The following NRXN1 variants were observed in gnomAD, a reference collection of about 807,000 sequenced individuals.
NRXN1 encodes the protein neurexin-1.
A neutral mutation model predicts 150.9 loss-of-function variants in NRXN1; 39 were observed. That is an observed-to-expected ratio of 0.26 (90% CI 0.20 to 0.34). The LOEUF is 0.34. Ranked by LOEUF, NRXN1 falls within the 10% of genes least tolerant of loss-of-function variation. The pLI, the probability that NRXN1 is intolerant of heterozygous loss-of-function variation, is 1.00. For missense variants in NRXN1, 1,815 were observed against 1,949.9 expected, an observed-to-expected ratio of 0.93 and a Z score of 1.30; for synonymous variants, 924 against 757.0, an observed-to-expected ratio of 1.22 and a Z score of -3.62.
chr2:50,363,222 A>G (rs2079348252), intron 17 of NRXN1, among the ~76,000 whole-genome samples: 1 of 152,252 alleles, frequency 6.6e-6, no homozygotes, highest in South Asian at 2.1e-4. Context: ...AATGGCAACA[A>G]AAGCCAAAAT....
chr2:50,390,064 A>G (rs544977696), intron 17 of NRXN1, among the ~76,000 whole-genome samples: 26 of 152,214 alleles, frequency 1.7e-4, no homozygotes, highest in Non-Finnish European at 2.9e-5. Context: ...AAATAGTAGT[A>G]TTAGACTGTA....
chr2:50,356,299 T>C (rs1416104041), intron 17 of NRXN1, among the ~76,000 whole-genome samples: 1 of 152,200 alleles, frequency 6.6e-6, no homozygotes, highest in Admixed American at 6.5e-5. Context: ...AAACTTCTAG[T>C]AGCTCAATTC....
chr2:50,098,843 T>TGG (rs1558874597), intron 18 of NRXN1, among the ~76,000 whole-genome samples: 360 of 9,010 alleles, frequency 0.04, 16 homozygotes, highest in African/African-American at 0.14. Context: ...TTTTTTTTTT[T>TGG]TTTTTTTTTT....
At chr2:50,522,483 A>C (rs1306128651) in intron 12 of NRXN1, among the ~76,000 whole-genome samples, 2 of 152,166 alleles carry the variant, frequency 1.3e-5, no homozygotes, top group East Asian at 3.9e-4. Flanking sequence ...ACTGCACAAG[A>C]GTAGTTTTTA....
At chr2:50,171,379 T>A (rs1253991995) in intron 18 of NRXN1, among the ~76,000 whole-genome samples, 3 of 152,046 alleles carry the variant, frequency 2.0e-5, no homozygotes, top group African/African-American at 7.2e-5. Context: ...ATATCAGTTC[T>A]AGACTATTTA....
intron 18 of NRXN1, among the ~76,000 whole-genome samples, chr2:50,119,391 G>GT (rs1301586933): frequency 6.6e-6 from 1 of 151,994 alleles, no homozygotes; most frequent in Non-Finnish European, 1.5e-5. Flanking sequence ...AAGGAGATAC[G>GT]TAAGTGTGGA....
At chr2:50,802,503 AAGGAAGG>A (rs1559284163) in intron 5 of NRXN1, among the ~76,000 whole-genome samples, 7,461 of 77,858 alleles carry the variant, frequency 0.096, 783 homozygotes, top group East Asian at 0.14. Context: ...AGAGAAATGG[AAGGAAGG>A]AAGGAAGGAA....
intron 5 of NRXN1, among the ~76,000 whole-genome samples, chr2:50,710,077 T>C (rs1053665674): frequency 2.0e-5 from 3 of 152,154 alleles, no homozygotes; most frequent in Non-Finnish European, 4.4e-5. Context: ...GATTTTCCTA[T>C]ATAAAGAAAG....
intron 2 of NRXN1, among the ~76,000 whole-genome samples, chr2:50,972,742 G>A (rs1430827186): frequency 6.6e-6 from 1 of 151,998 alleles, no homozygotes; most frequent in Non-Finnish European, 1.5e-5. Flanking sequence ...GGTCATCACA[G>A]GGTTTGCGCT....
At chr2:50,244,146 A>C (rs2066288231) in intron 17 of NRXN1, among the ~76,000 whole-genome samples, 1 of 151,948 alleles carries the variant, frequency 6.6e-6, no homozygotes, top group Admixed American at 6.6e-5. Context: ...AATACATTTT[A>C]TCACATTTTG....
intron 17 of NRXN1, among the ~76,000 whole-genome samples, chr2:50,279,279 T>A (rs1408774612): frequency 6.6e-6 from 1 of 152,172 alleles, no homozygotes; most frequent in Non-Finnish European, 1.5e-5. Flanking sequence ...ACTGTCAACA[T>A]TTTCTGTTAA....
chr2:50,213,062 T>C (rs2063146216), intron 18 of NRXN1, among the ~76,000 whole-genome samples: 1 of 151,906 alleles, frequency 6.6e-6, no homozygotes, highest in African/African-American at 2.4e-5. Flanking sequence ...GAAATTAACA[T>C]TGGTACCATG....
intron 8 of NRXN1, among the ~76,000 whole-genome samples, chr2:50,565,356 C>A (rs1669683888): frequency 6.6e-6 from 1 of 151,214 alleles, no homozygotes; most frequent in East Asian, 1.9e-4. Context: ...AATAAATTAC[C>A]AAAAGATATA....
chr2:50,627,357 ATGTGTGTGTG>A lies in NRXN1; in HGVS notation c.833-3752_833-3743del, dbSNP rs34870955. Among the ~76,000 whole-genome samples the A allele has an allele frequency of 4.9e-3, 706 of 143,576 alleles. 2 individuals are homozygous for A. Among genetic ancestry groups the A allele is most frequent in the Non-Finnish European group, 5.9e-3 (392 of 65,894 alleles). 94.2% of individuals were successfully genotyped at this position (143,576 alleles called of 152,430 possible). A position where few individuals can be genotyped will look rare whatever the true frequency, so the allele number is the denominator to read the frequency against. On this transcript the variant is annotated intron_variant, in intron 5 of 22. Transcript: ENST00000401669. ...TAGTCAAGTGGGTTCTGGTTCATGT[ATGTGTGTGTG>A]TGTGTGTGTGTGTGTGTGTGTGTGT...
intron 18 of NRXN1, among the ~76,000 whole-genome samples, chr2:50,231,948 T>C (rs1237664981): frequency 1.3e-5 from 2 of 152,146 alleles, no homozygotes; most frequent in Non-Finnish European, 2.9e-5. Context: ...CCTCAACACA[T>C]CGTAACTTAA....
At chr2:50,918,010 A>G (rs952795955) in intron 5 of NRXN1, 3 of 151,696 alleles carry the variant, frequency 2.0e-5, no homozygotes, top group Admixed American at 6.6e-5. Context: ...TTACTCATCA[A>G]TTAGTTCAGG....
chr2:50,168,323 T>C (rs2059811539), intron 18 of NRXN1, among the ~76,000 whole-genome samples: 2 of 152,304 alleles, frequency 1.3e-5, no homozygotes, highest in South Asian at 4.1e-4. Context: ...CATTTTACAC[T>C]AACTTGGGGG....
intron 5 of NRXN1, among the ~76,000 whole-genome samples, chr2:50,908,084 C>G (rs1015714131): frequency 2.0e-5 from 3 of 152,046 alleles, no homozygotes; most frequent in African/African-American, 7.2e-5. Context: ...ATAAATCCCT[C>G]TAGAACAAAT....
At chr2:50,177,669 G>A (rs1278249557) in intron 18 of NRXN1, among the ~76,000 whole-genome samples, 1 of 151,754 alleles carries the variant, frequency 6.6e-6, no homozygotes, top group East Asian at 1.9e-4. Context: ...GGTTTAGTAG[G>A]TACTACAAAG....
Sources: gnomAD v4.1 joint callset for allele counts (sites outside exome capture counted in the v4.1 genomes callset) on GRCh38, gnomAD v4.1.1 for gene constraint, MANE v1.5 for transcripts, NCBI Gene and HGNC (gene_info 2026-07-23, HGNC 2026-07-21) for gene names.